Variants in INSR observed in about 807,000 individuals in gnomAD.
The protein encoded by INSR is IR.
A neutral mutation model predicts 142.6 loss-of-function variants in INSR; 67 were observed. The observed-to-expected ratio is 0.47, with a 90% CI of 0.39 to 0.58. The LOEUF (loss-of-function observed/expected upper bound fraction) is 0.58, where lower values mean the gene tolerates loss of function less well. INSR is among the 20% of genes least tolerant of loss of function. The pLI is 0.00. For missense variants in INSR, 1,248 were observed against 1,833.2 expected, an observed-to-expected ratio of 0.68 and a Z score of 5.83; for synonymous variants, 756 against 743.1, an observed-to-expected ratio of 1.02 and a Z score of -0.28.
Position 7,276,896 on chromosome 19 carries a change from A to G in INSR, c.101-9000T>C, listed in dbSNP as rs527862258. ...CAGGCGCCCGCCACCACGCACAGCT[A>G]ATTTTTGTATTTTTAGTAGAGACAG... On this transcript the variant is annotated intron_variant, in intron 1 of 21. Transcript: ENST00000302850. Among the ~76,000 whole-genome samples the G allele has an allele frequency of 1.2e-3, 179 of 152,080 alleles. 1 individual carries two copies. Among genetic ancestry groups the G allele is most frequent in the Admixed American group, 3.7e-3 (56 of 15,244 alleles).
chr19:7,289,405 C>CTTTTT (rs777933899), intron 1 of INSR, among the ~76,000 whole-genome samples: 17 of 130,208 alleles, frequency 1.3e-4, no homozygotes, highest in Non-Finnish European at 2.7e-4. Flanking sequence ...TTTTTCTTTT[C>CTTTTT]TTTTTTTTTT....
chr19:7,154,729 T>C (rs1459519537), intron 9 of INSR, among the ~76,000 whole-genome samples: 1 of 151,048 alleles, frequency 6.6e-6, no homozygotes, highest in African/African-American at 2.4e-5. Flanking sequence ...GTCCGGACCA[T>C]CCTAGCCAAC....
intron 1 of INSR, among the ~76,000 whole-genome samples, chr19:7,276,506 A>G (rs1003723216): frequency 6.6e-6 from 1 of 151,844 alleles, no homozygotes; most frequent in Admixed American, 6.6e-5. Flanking sequence ...CCCTTTCCAC[A>G]TTCTTTCCAG....
chr19:7,141,009 A>G (rs1452986547), intron 13 of INSR, among the ~76,000 whole-genome samples: 3 of 152,114 alleles, frequency 2.0e-5, no homozygotes, highest in East Asian at 1.9e-4. Context: ...GTCTGGCTCA[A>G]TGGAAGCATC....
At chr19:7,191,853 AAG>A (rs1448577530) in intron 2 of INSR, among the ~76,000 whole-genome samples, 1 of 146,280 alleles carries the variant, frequency 6.8e-6, no homozygotes, top group African/African-American at 2.5e-5. Flanking sequence ...AGAGAAAAGA[AAG>A]AGAGAGTGAA....
chr19:7,263,137 G>A (rs1215296548), intron 2 of INSR, among the ~76,000 whole-genome samples: 5 of 152,122 alleles, frequency 3.3e-5, no homozygotes, highest in Non-Finnish European at 5.9e-5. Context: ...ACTTAGCCGG[G>A]CATGGTGGCT....
chr19:7,152,945 A>G lies in INSR; in HGVS notation c.2030-18T>C, dbSNP rs1973412242. 6.3e-7 allele frequency: 1 copy of G among 1,598,950 alleles called. No homozygotes were observed. The highest frequency in any genetic ancestry group is 8.5e-7 in the Non-Finnish European group (1 of 1,171,258). ...CTTCAGCCCTGGAGAAAGAAACAGA[A>G]AAGGGGGGCTCAAGTCTCTGCGGCT... On this transcript the variant is annotated intron_variant, in intron 9 of 21. Coordinates refer to ENST00000302850, the MANE Select transcript of INSR (RefSeq NM_000208.4).
At chr19:7,128,131 T>C (rs566321670) in intron 15 of INSR, among the ~76,000 whole-genome samples, 1 of 152,296 alleles carries the variant, frequency 6.6e-6, no homozygotes, top group South Asian at 2.1e-4. Context: ...GTTCTTCTGA[T>C]ATTTAAAAAT....
chr19:7,118,031 C>T (rs1020516657), intron 21 of INSR, among the ~76,000 whole-genome samples: 4 of 151,818 alleles, frequency 2.6e-5, no homozygotes, highest in African/African-American at 9.7e-5. Flanking sequence ...CTCAACCTCC[C>T]AAAGTGCTGA....
chr19:7,124,643 TAAA>T (rs1972599801), intron 17 of INSR, among the ~76,000 whole-genome samples: 3 of 48,380 alleles, frequency 6.2e-5, no homozygotes, highest in Admixed American at 2.9e-4. Flanking sequence ...ATATATGAAA[TAAA>T]ATAAAAATAA....
chr19:7,132,564 A>G (rs1320828928), intron 13 of INSR, among the ~76,000 whole-genome samples: 2 of 151,936 alleles, frequency 1.3e-5, no homozygotes, highest in African/African-American at 2.4e-5. Context: ...GAAGCTGAGC[A>G]TTAAACCCTG....
chr19:7,240,909 A>G (rs1433360176), intron 2 of INSR, among the ~76,000 whole-genome samples: 1 of 152,242 alleles, frequency 6.6e-6, no homozygotes, highest in Non-Finnish European at 1.5e-5. Context: ...CTCATTACAT[A>G]TACGCACATA....
At chr19:7,174,782 C>T (rs923587845) in intron 3 of INSR, 51 bp from the exon 4 acceptor site, 8 of 1,579,924 alleles carry the variant, frequency 5.1e-6, no homozygotes, top group African/African-American at 1.3e-5. Context: ...GGGGGTGTCA[C>T]GGTATCCAAG....
In INSR at chr19:7,141,585, C is replaced by T; in HGVS notation, c.2682+92G>A. On this transcript the variant is annotated intron_variant, in intron 13 of 21. Coordinates refer to ENST00000302850, the MANE Select transcript of INSR (RefSeq NM_000208.4). ...TACCTGATGAGAGAAGCACTGGAAT[C>T]AAAATTTCAGCAGAGGAAGGAGGTA... The T allele has an allele frequency of 1.5e-5, 24 of 1,567,696 alleles. No individual in the cohort carries two copies. In the South Asian group the frequency reaches 2.5e-4, roughly 17 times the overall value.
intron 6 of INSR, 92 bp downstream of exon 6, chr19:7,170,445 G>A: frequency 1.1e-6 from 1 of 919,900 alleles, no homozygotes; most frequent in Non-Finnish European, 1.8e-6. Context: ...GAATCATGCT[G>A]AAACCATCCC....
At position 7,228,980 on chromosome 19, in the gene INSR, A is replaced by AGGATGGATGGAT. The variant is rs59628521; in HGVS notation, c.652+38353_652+38364dup. Among the ~76,000 whole-genome samples, 798 of 137,840 alleles carry AGGATGGATGGAT rather than the reference A, an allele frequency of 5.8e-3. 17 individuals are homozygous for AGGATGGATGGAT. Among genetic ancestry groups the AGGATGGATGGAT allele is most frequent in the African/African-American group, 0.016 (586 of 37,604 alleles). 90.4% of individuals were successfully genotyped at this position (137,840 alleles called of 152,430 possible). A position where few individuals can be genotyped will look rare whatever the true frequency, so the allele number is the denominator to read the frequency against. ...GTGGATTGTTGGCAGAGTAGACAGA[A>AGGATGGATGGAT]GGATGGATGGATGGATGGATGGATG... is the stretch of plus-strand genomic sequence containing the variant. On this transcript the variant is annotated intron_variant, in intron 2 of 21. Transcript: ENST00000302850.
chr19:7,198,425 G>A (rs1428528613), intron 2 of INSR, among the ~76,000 whole-genome samples: 1 of 152,152 alleles, frequency 6.6e-6, no homozygotes, highest in African/African-American at 2.4e-5. Context: ...AAAAGCTAGG[G>A]AAAAGGAGAA....
At chr19:7,239,062 A>G (rs558179116) in intron 2 of INSR, among the ~76,000 whole-genome samples, 3 of 152,108 alleles carry the variant, frequency 2.0e-5, no homozygotes, top group Admixed American at 6.6e-5. Context: ...AAGAAGAGCA[A>G]CTGAAGATAT....
chr19:7,288,205 A>AAC (rs1968393975), intron 1 of INSR, among the ~76,000 whole-genome samples: 1 of 152,038 alleles, frequency 6.6e-6, no homozygotes, highest in Non-Finnish European at 1.5e-5. Flanking sequence ...AAAAAAAAAA[A>AAC]AAAAGTTTTA....
Sources: gnomAD v4.1 joint callset for allele counts (sites outside exome capture counted in the v4.1 genomes callset) on GRCh38, gnomAD v4.1.1 for gene constraint, MANE v1.5 for transcripts, NCBI Gene and HGNC (gene_info 2026-07-23, HGNC 2026-07-21) for gene names.